Variants in FAM118A observed in about 807,000 individuals in gnomAD.
The protein encoded by FAM118A is protein FAM118A.
A neutral mutation model predicts 38.2 loss-of-function variants in FAM118A; 25 were observed. That is an observed-to-expected ratio of 0.65 (90% CI 0.48 to 0.91). The LOEUF (loss-of-function observed/expected upper bound fraction) is 0.91. FAM118A is among the 40% of genes least tolerant of loss of function. The pLI, the probability that FAM118A is intolerant of heterozygous loss-of-function variation, is 0.00. For synonymous variants in FAM118A, 178 were observed against 184.1 expected, an observed-to-expected ratio of 0.97 and a Z score of 0.27; for missense variants, 425 against 463.3, an observed-to-expected ratio of 0.92 and a Z score of 0.76.
chr22:45,315,839 T>C (rs997606627), intron 1 of FAM118A, among the ~76,000 whole-genome samples: 3 of 152,104 alleles, frequency 2.0e-5, no homozygotes, highest in Non-Finnish European at 4.4e-5. Context: ...CTGCTTCAGG[T>C]GGGGGTGTTG....
chr22:45,324,649 G>A (rs888464898), intron 3 of FAM118A, among the ~76,000 whole-genome samples: 7 of 152,172 alleles, frequency 4.6e-5, no homozygotes, highest in African/African-American at 1.4e-4. Context: ...TCTGACAGGC[G>A]GCCACACCCA....
chr22:45,323,043 G>GTA, intron 2 of FAM118A, 132 bp from the exon 3 acceptor site: 1 of 443,942 alleles, frequency 2.3e-6, no homozygotes, highest in Non-Finnish European at 3.7e-6. Context: ...AGAGGGGACT[G>GTA]TGTGTGTGTG....
chr22:45,338,407 T>C (rs1569159975), intron 8 of FAM118A, among the ~76,000 whole-genome samples: 1 of 152,190 alleles, frequency 6.6e-6, no homozygotes, highest in Admixed American at 6.5e-5. Flanking sequence ...TTTTGTACTT[T>C]TAGTAGAGAT....
At chr22:45,309,451 T>C (rs1318692436), upstream of FAM118A, 2 of 152,316 alleles carry the variant, frequency 1.3e-5, no homozygotes, top group African/African-American at 4.8e-5. Flanking sequence ...GACTGGCCAA[T>C]TTAAGCGGGC....
intron 1 of FAM118A, among the ~76,000 whole-genome samples, chr22:45,312,767 C>G (rs1009725540): frequency 6.6e-6 from 1 of 152,092 alleles, no homozygotes; most frequent in Non-Finnish European, 1.5e-5. Flanking sequence ...TGAGAAGATG[C>G]GTAGGGTGAG....
In FAM118A at chr22:45,324,989, A is replaced by G. The variant is rs147818924; in HGVS notation, c.300+1562A>G. On this transcript the variant is annotated intron_variant, in intron 3 of 8. Coordinates refer to ENST00000441876, the MANE Select transcript of FAM118A (RefSeq NM_017911.4). The stretch of plus-strand genomic sequence containing the variant: ...TTGAACCTGGGAGGCAGAGGTTGCA[A>G]TGAACCAAGATTGTGCCATTGCACT... 7.4e-3 allele frequency among the ~76,000 whole-genome samples: 1,131 copies of G among 152,336 alleles called. 8 individuals carry two copies. Among genetic ancestry groups the G allele is most frequent in the Non-Finnish European group, 0.012 (800 of 68,024 alleles).
chr22:45,312,295 C>T (rs749500389), intron 1 of FAM118A, among the ~76,000 whole-genome samples: 2 of 152,158 alleles, frequency 1.3e-5, no homozygotes, highest in East Asian at 1.9e-4. Flanking sequence ...GCCCTCCACC[C>T]CTTCGGACAC....
intron 6 of FAM118A, 41 bp downstream of exon 6, chr22:45,332,751 C>CTTT (rs58672588): frequency 0.013 from 16,561 of 1,297,322 alleles, 4 homozygotes; most frequent in African/African-American, 0.037. Context: ...TTTCTTTTTT[C>CTTT]TTTTTTTTTT....
rs562685706 is a variant in FAM118A, at chr22:45,332,605, A to G, written c.832A>G (p.Met278Val). ...CCATTTCTTTAAGCATCAGGCAGAT[A>G]TGCTTCTGCACGGAATCAAAGTTGT... ...EDHFFKHQAD[M>V]LLHGIKVVSY... Residue 278 changes from methionine to valine, a missense_variant, in exon 6 of 9, where the codon ATG becomes GTG. By Grantham distance (21) the Met-to-Val change is conservative. Coordinates refer to ENST00000441876, the MANE Select transcript of FAM118A (RefSeq NM_017911.4). 71 of 1,614,208 alleles carry G rather than the reference A, an allele frequency of 4.4e-5. No homozygotes were observed. The highest frequency in any genetic ancestry group is 5.4e-5 in the Non-Finnish European group (64 of 1,180,042).
intron 3 of FAM118A, among the ~76,000 whole-genome samples, chr22:45,325,216 G>A (rs1037783329): frequency 3.3e-5 from 5 of 152,164 alleles, no homozygotes; most frequent in South Asian, 2.1e-4. Context: ...AATGAGAATC[G>A]TTTGTCTTGA....
intron 1 of FAM118A, chr22:45,322,019 A>G (rs1244548301): frequency 2.7e-6 from 1 of 376,186 alleles, no homozygotes; most frequent in Non-Finnish European, 5.1e-6. Flanking sequence ...ATCTGTGTTC[A>G]TGTGCACTGG....
At chr22:45,323,076 T>TGTGTGA in intron 2 of FAM118A, 99 bp from the exon 3 acceptor site, 21 of 1,282,194 alleles carry the variant, frequency 1.6e-5, no homozygotes, top group Non-Finnish European at 2.0e-5. Flanking sequence ...TGTGTGTGTG[T>TGTGTGA]ACACAGCACA....
At chr22:45,321,181 A>T (rs1282395734) in intron 1 of FAM118A, among the ~76,000 whole-genome samples, 1 of 152,046 alleles carries the variant, frequency 6.6e-6, no homozygotes, top group South Asian at 2.1e-4. Context: ...CAGTGGCGCG[A>T]TCTCAGCTCA....
At chr22:45,320,259 C>T (rs1356936837) in intron 1 of FAM118A, among the ~76,000 whole-genome samples, 1 of 152,020 alleles carries the variant, frequency 6.6e-6, no homozygotes, top group African/African-American at 2.4e-5. Flanking sequence ...GGTCAAAGAT[C>T]GAGACCATCC....
rs569417234 is a variant in FAM118A, at chr22:45,336,095, C to G, written c.971-233C>G. ...TATGAAACCGCCGCAGTCGGCTCCC[C>G]GTTGCCACCTATTCCCATGCGAAAG... On this transcript the variant is annotated intron_variant, in intron 7 of 8. Transcript: ENST00000441876. Among the ~76,000 whole-genome samples, 5 of 152,314 alleles carry G rather than the reference C, an allele frequency of 3.3e-5. No individual in the cohort carries two copies. The East Asian group carries it at 9.7e-4, about 29-fold the overall frequency.
At chr22:45,326,558 G>A (rs957653029) in intron 3 of FAM118A, among the ~76,000 whole-genome samples, 9 of 152,160 alleles carry the variant, frequency 5.9e-5, no homozygotes, top group Non-Finnish European at 1.2e-4. Flanking sequence ...CGGGTATAGT[G>A]GCTCACGCCT....
At chr22:45,324,375 G>A (rs1007990186) in intron 3 of FAM118A, among the ~76,000 whole-genome samples, 4 of 152,192 alleles carry the variant, frequency 2.6e-5, no homozygotes, top group African/African-American at 4.8e-5. Context: ...AATGATGTGC[G>A]TGCGCGGGGA....
intron 1 of FAM118A, among the ~76,000 whole-genome samples, chr22:45,313,999 A>G (rs982621822): frequency 6.6e-6 from 1 of 152,182 alleles, no homozygotes; most frequent in Admixed American, 6.5e-5. Context: ...GGTATAAGAT[A>G]TTCTTTCCTT....
At chr22:45,333,765 C>A (rs1270328996) in intron 6 of FAM118A, among the ~76,000 whole-genome samples, 1 of 152,004 alleles carries the variant, frequency 6.6e-6, no homozygotes, top group Non-Finnish European at 1.5e-5. Context: ...TGCTTGAGCC[C>A]AGGAGTTAGA....
Sources: allele counts gnomAD v4.1 joint callset (sites outside exome capture counted in the v4.1 genomes callset), GRCh38; gene constraint gnomAD v4.1.1; transcripts MANE v1.5; gene names NCBI Gene and HGNC (gene_info 2026-07-23, HGNC 2026-07-21).